Variants in ZC3H7B observed in about 807,000 individuals in gnomAD.
The protein encoded by ZC3H7B is zinc finger CCCH-type containing 7B.
In ZC3H7B, 35 loss-of-function variants were observed where a neutral mutation model predicts 116.0. That is an observed-to-expected ratio of 0.30 (90% CI 0.23 to 0.40). The LOEUF is 0.40. Ranked by LOEUF, ZC3H7B falls within the 10% of genes least tolerant of loss-of-function variation. ZC3H7B has a pLI of 1.00. For missense variants in ZC3H7B, 1,011 were observed against 1,321.5 expected, an observed-to-expected ratio of 0.77 and a Z score of 3.64; for synonymous variants, 502 against 545.6, an observed-to-expected ratio of 0.92 and a Z score of 1.11.
At chr22:41,348,708 C>G (rs2036619944) in intron 15 of ZC3H7B, among the ~76,000 whole-genome samples, 1 of 152,204 alleles carries the variant, frequency 6.6e-6, no homozygotes, top group Non-Finnish European at 1.5e-5. Flanking sequence ...TACGTCCAAG[C>G]CTGGGTTTCC....
Position 41,356,495 on chromosome 22 carries a change from A to C in ZC3H7B, c.2517+19A>C, listed in dbSNP as rs529224287. 13 of 1,613,702 alleles carry C rather than the reference A, an allele frequency of 8.1e-6. No individual in the cohort carries two copies. In the Admixed American group the frequency reaches 2.2e-4, roughly 27 times the overall value. ...CATCATGGTAACGCCTCCGCCCTGC[A>C]TGCTCGGGGCTGCGGTCGGGGCTGT... On this transcript the variant is annotated intron_variant, in intron 21 of 22. Coordinates refer to ENST00000352645, the MANE Select transcript of ZC3H7B (RefSeq NM_017590.6).
In ZC3H7B at chr22:41,335,895, G is replaced by T. The variant is rs867991294; in HGVS notation, c.583-2418G>T. ...ATACCTCGCAGGGCGCCTGGACCGA[G>T]GGCTAAACCCCACAGTGGGTGTGAG... On this transcript the variant is annotated intron_variant, in intron 7 of 22. Coordinates refer to ENST00000352645, the MANE Select transcript of ZC3H7B (RefSeq NM_017590.6). The T allele has an allele frequency of 2.3e-4, 36 of 153,388 alleles. No individual in the cohort carries two copies. In the Middle Eastern group the frequency reaches 0.013, roughly 56 times the overall value. 9.5% of individuals were successfully genotyped at this position (153,388 alleles called of 1,614,324 possible).
intron 2 of ZC3H7B, among the ~76,000 whole-genome samples, chr22:41,323,792 C>T (rs1048055509): frequency 6.6e-5 from 10 of 152,272 alleles, no homozygotes; most frequent in Admixed American, 5.9e-4. Context: ...TGTCTACGGC[C>T]GGGCGCGGTG....
intron 7 of ZC3H7B, among the ~76,000 whole-genome samples, chr22:41,337,907 G>A (rs2036467453): frequency 6.8e-6 from 1 of 147,760 alleles, no homozygotes; most frequent in Admixed American, 6.8e-5. Context: ...TCGCTCTGTT[G>A]CCCAGGCTGG....
At position 41,359,666 on chromosome 22, in the gene ZC3H7B, G is replaced by T. The variant is rs994778210; in HGVS notation, c.*2237G>T. On this transcript the variant is annotated 3_prime_UTR_variant, in exon 23 of 23. Transcript: ENST00000352645. ...ATCTTCAGCCTGTGATCTGTCCAGGGACCCTTGGGATCTGGGGCTTCCTGG... is the reference window on the plus strand; with the variant it reads ...ATCTTCAGCCTGTGATCTGTCCAGGTACCCTTGGGATCTGGGGCTTCCTGG... 6.6e-6 allele frequency: 1 copy of T among 152,284 alleles called. No homozygotes were observed. The highest frequency in any genetic ancestry group is 1.5e-5 in the Non-Finnish European group (1 of 68,082). The allele number at this position is 152,284 out of a possible 1,614,324, so 9.4% of individuals were successfully genotyped here.
chr22:41,353,124 G>T (rs1022236438), intron 17 of ZC3H7B, among the ~76,000 whole-genome samples: 3 of 152,018 alleles, frequency 2.0e-5, no homozygotes, highest in South Asian at 2.1e-4. Context: ...GAAATACGTT[G>T]AGACCTTGTA....
chr22:41,323,915 A>T (rs929253627), intron 2 of ZC3H7B, among the ~76,000 whole-genome samples: 1 of 152,094 alleles, frequency 6.6e-6, no homozygotes, highest in Non-Finnish European at 1.5e-5. Flanking sequence ...CTAAAAATAC[A>T]AAAAATTAGC....
chr22:41,353,089 A>AG (rs1050040486), intron 17 of ZC3H7B, among the ~76,000 whole-genome samples: 1 of 152,148 alleles, frequency 6.6e-6, no homozygotes, highest in East Asian at 1.9e-4. Flanking sequence ...CAAAAAAAAA[A>AG]AAGAAGAAAA....
rs1204015164 is a variant in ZC3H7B, at chr22:41,346,650, T to C, written c.1665+442T>C. Among the ~76,000 whole-genome samples the C allele has an allele frequency of 6.6e-6, 1 of 151,938 alleles. No homozygotes were observed. The highest frequency in any genetic ancestry group is 1.9e-4 in the East Asian group (1 of 5,192). On this transcript the variant is annotated intron_variant, in intron 14 of 22. Transcript: ENST00000352645. This position sits in a 1 kb window ranked among gnomAD's most constrained non-coding sequence, Gnocchi z 5.3. ...GGCCAACACGGTGAAACCCTGTCTC[T>C]ACTAAAAATACAAAAATTAGCTGGG...
intron 16 of ZC3H7B, among the ~76,000 whole-genome samples, chr22:41,350,530 T>C (rs2036642887): frequency 6.6e-6 from 1 of 151,886 alleles, no homozygotes; most frequent in Non-Finnish European, 1.5e-5. Flanking sequence ...ATTCTAGGTG[T>C]ATTTTGAGGG....
At chr22:41,310,323 G>A (rs2036102032) in intron 1 of ZC3H7B, among the ~76,000 whole-genome samples, 1 of 152,170 alleles carries the variant, frequency 6.6e-6, no homozygotes, top group African/African-American at 2.4e-5. Context: ...CACACCAGGT[G>A]GAGCTGCAAA....
At chr22:41,354,162 A>G (rs1379283883) in intron 17 of ZC3H7B, among the ~76,000 whole-genome samples, 1 of 152,202 alleles carries the variant, frequency 6.6e-6, no homozygotes, top group Non-Finnish European at 1.5e-5. Flanking sequence ...AGTGGCTGTC[A>G]TTAGTGCAGT....
In ZC3H7B at chr22:41,351,508, C is replaced by T; in HGVS notation, c.1949-53C>T. The T allele has an allele frequency of 6.4e-7, 1 of 1,551,962 alleles. No homozygotes were observed. The highest frequency in any genetic ancestry group is 8.8e-7 in the Non-Finnish European group (1 of 1,141,628). Reference sequence around the variant, plus strand: ...TGGCACCTCGTGGACCCCCTGCCTCCCTCCTTGCTGAGCACCTTGAAAGAT... The same window carrying T: ...TGGCACCTCGTGGACCCCCTGCCTCTCTCCTTGCTGAGCACCTTGAAAGAT... On this transcript the variant is annotated intron_variant, in intron 16 of 22. Transcript: ENST00000352645. The surrounding 1 kb of genome is among the most constrained non-coding windows in gnomAD (Gnocchi z 5.1).
chr22:41,341,716 C>T (rs1275961445), intron 11 of ZC3H7B, among the ~76,000 whole-genome samples: 1 of 151,798 alleles, frequency 6.6e-6, no homozygotes, highest in Non-Finnish European at 1.5e-5. Flanking sequence ...GCATTCCAGC[C>T]TGGGCGACAG....
intron 1 of ZC3H7B, among the ~76,000 whole-genome samples, chr22:41,320,412 G>C (rs894886437): frequency 6.6e-6 from 1 of 152,074 alleles, no homozygotes; most frequent in Non-Finnish European, 1.5e-5. Context: ...GTGGGAAAGG[G>C]CAGGTGCCCT....
At position 41,340,117 on chromosome 22, in the gene ZC3H7B, A is replaced by G. The variant is rs769363589; in HGVS notation, c.1118A>G (p.Asp373Gly). The G allele has an allele frequency of 5.0e-6, 8 of 1,607,996 alleles. No individual in the cohort carries two copies. In the South Asian group the frequency reaches 8.8e-5, roughly 18 times the overall value. Residue 373 changes from aspartate (D) to glycine (G), a missense_variant, in exon 10 of 23, where the codon GAC becomes GGC. This residue lies in a region of ZC3H7B where 99 missense variants were observed against 89.5 expected (regional missense o/e 1.11). Transcript: ENST00000352645. Reference protein sequence around the residue: ...DSFGSTRGSLDKPDSFMEETN... With the variant: ...DSFGSTRGSLGKPDSFMEETN... ...TTTGGGTCGACACGAGGCTCCCTGG[A>G]CAAACCTGACTCCTTCATGGGTAAG...
At chr22:41,314,047 G>A (rs2036151034) in intron 1 of ZC3H7B, among the ~76,000 whole-genome samples, 1 of 151,678 alleles carries the variant, frequency 6.6e-6, no homozygotes, top group Non-Finnish European at 1.5e-5. Context: ...CAGCTACCGC[G>A]CCTGTCCGGC....
At chr22:41,316,750 C>G (rs1406464205) in intron 1 of ZC3H7B, among the ~76,000 whole-genome samples, 1 of 152,102 alleles carries the variant, frequency 6.6e-6, no homozygotes, top group African/African-American at 2.4e-5. Context: ...TCTTGGCTCA[C>G]TGCAACCTCT....
Position 41,331,058 on chromosome 22 carries a change from A to G in ZC3H7B, c.525+955A>G, listed in dbSNP as rs1283699892. ...CTAATTTTTTATATTTTTAGTAGAGATGGGGTTTCACCGTGGTCTCGATCT... is the reference window on the plus strand; with the variant it reads ...CTAATTTTTTATATTTTTAGTAGAGGTGGGGTTTCACCGTGGTCTCGATCT... On this transcript the variant is annotated intron_variant, in intron 6 of 22. Coordinates refer to ENST00000352645, the MANE Select transcript of ZC3H7B (RefSeq NM_017590.6). Among the ~76,000 whole-genome samples, 3 of 143,472 alleles carry G rather than the reference A, an allele frequency of 2.1e-5. No individual in the cohort carries two copies. In the East Asian group the frequency reaches 6.9e-4, roughly 33 times the overall value. 94.1% of individuals were successfully genotyped at this position (143,472 alleles called of 152,430 possible).
Sources: gnomAD v4.1 joint callset for allele counts (sites outside exome capture counted in the v4.1 genomes callset) on GRCh38, gnomAD v4.1.1 for gene constraint, gnomAD v4.1.1 regional missense constraint, Gnocchi (gnomAD v3.1) non-coding constraint, MANE v1.5 for transcripts, NCBI Gene and HGNC (gene_info 2026-07-23, HGNC 2026-07-21) for gene names.